The following AKR7A2 variants were observed in gnomAD, a reference collection of about 807,000 sequenced individuals.
AKR7A2 encodes aflatoxin B1 aldehyde reductase member 2.
Under a neutral mutation model 37.3 loss-of-function variants are expected in AKR7A2, and 29 were observed. The observed-to-expected ratio is 0.78, with a 90% CI of 0.58 to 1.06. AKR7A2 has a LOEUF of 1.06. Ranked by LOEUF, AKR7A2 falls within the 50% of genes least tolerant of loss-of-function variation. The pLI is 0.00. For missense variants in AKR7A2, 529 were observed against 497.9 expected (o/e 1.06, Z -0.59); for synonymous variants, 228 against 217.8 (o/e 1.05, Z -0.41).
chr1:19,311,850 C>T lies in AKR7A2; in HGVS notation c.275G>A (p.Gly92Glu), dbSNP rs774186617. The change falls in exon 1 of 7, where the codon GGG (glycine) becomes GAG (glutamate). Residue 92 changes from glycine to glutamate, a missense_variant. By Grantham distance (98) the Gly-to-Glu change is moderately conservative. Coordinates refer to ENST00000235835, the MANE Select transcript of AKR7A2 (RefSeq NM_003689.4). ...ACCTCTGCAGTCGCCACCGCCCAGC[C>T]CGAGCCCCAGGCCGCCCAGGATGGT... ...SETILGGLGLGLGGGDCRVKI... is the reference protein window; with the variant it reads ...SETILGGLGLELGGGDCRVKI... 1.9e-6 allele frequency: 3 copies of T among 1,610,560 alleles called. No homozygotes were observed. The African/African-American group carries it at 4.0e-5, about 21-fold the overall frequency.
In AKR7A2 at chr1:19,304,072, G is replaced by A. The variant is rs897733171; in HGVS notation, c.*153C>T. ...CCCCCCACCTTTCACAGTGTAAAGT[G>A]AATAGGGAGCAAGGCAGGAAGCTAG... On this transcript the variant is annotated 3_prime_UTR_variant, in exon 7 of 7. Coordinates refer to ENST00000235835, the MANE Select transcript of AKR7A2 (RefSeq NM_003689.4). 13 of 1,285,942 alleles carry A rather than the reference G, an allele frequency of 1.0e-5. No individual in the cohort carries two copies. Among genetic ancestry groups the A allele is most frequent in the Middle Eastern group, 2.1e-4 (1 of 4,688 alleles). 79.7% of individuals were successfully genotyped at this position (1,285,942 alleles called of 1,614,324 possible).
At position 19,308,356 on chromosome 1, in the gene AKR7A2, C is replaced by T. The variant is rs1467294725; in HGVS notation, c.487-94G>A. The T allele has an allele frequency of 2.5e-6, 4 of 1,595,598 alleles. No individual in the cohort carries two copies. The African/African-American group carries it at 4.0e-5, about 16-fold the overall frequency. ...CCCAGGGAATGGGGCTATTCCCTGCCCCACCCTGGGACTGCCCTGGTGCCT... is the reference window on the plus strand; with the variant it reads ...CCCAGGGAATGGGGCTATTCCCTGCTCCACCCTGGGACTGCCCTGGTGCCT... On this transcript the variant is annotated intron_variant, in intron 2 of 6. Transcript: ENST00000235835.
intron 1 of AKR7A2, among the ~76,000 whole-genome samples, chr1:19,311,141 C>A (rs144088760): frequency 6.6e-6 from 1 of 152,366 alleles, no homozygotes; most frequent in East Asian, 1.9e-4. Context: ...GTGCCTCTCC[C>A]CGGCCTGCAG....
downstream of AKR7A2, among the ~76,000 whole-genome samples, chr1:19,303,446 G>A (rs1440247092): frequency 6.6e-6 from 1 of 152,126 alleles, no homozygotes; most frequent in Admixed American, 6.6e-5. Flanking sequence ...CTCAGCCTTG[G>A]TGCCTCCTGT....
Position 19,310,450 on chromosome 1 carries a change from C to T in AKR7A2, c.298+1377G>A, listed in dbSNP as rs186771572. On this transcript the variant is annotated intron_variant, in intron 1 of 6. Coordinates refer to ENST00000235835, the MANE Select transcript of AKR7A2 (RefSeq NM_003689.4). ...TGGTGGCTTACACCTATAATCCCAG[C>T]ACTTTGGGAGGCTGAGGTGGGCAGA... 1.8e-3 allele frequency among the ~76,000 whole-genome samples: 271 copies of T among 152,210 alleles called. 1 individual carries two copies. Among genetic ancestry groups the T allele is most frequent in the South Asian group, 0.015 (72 of 4,828 alleles).
rs1254474136 is a variant in AKR7A2, at chr1:19,308,478, C to G, written c.463G>C (p.Ala155Pro). Residue 155 changes from alanine (A) to proline (P), a missense_variant, in exon 2 of 7, where the codon GCC (alanine) becomes CCC (proline). Physicochemically the swap from Ala to Pro is conservative, Grantham distance 27. Transcript: ENST00000235835. ...ACCTCCTGGTGCAGCCGCTGGCAGG[C>G]ATGCAGCGTCTCTTCCACCGGGGTG... ...HGTPVEETLH[A>P]CQRLHQEGKF... is the part of the protein sequence containing the mutation. 1 of 1,613,968 alleles carries G rather than the reference C, an allele frequency of 6.2e-7. No homozygotes were observed. Among genetic ancestry groups the G allele is most frequent in the Non-Finnish European group, 8.5e-7 (1 of 1,180,046 alleles).
At chr1:19,305,749 G>A (rs1477973080) in intron 6 of AKR7A2, among the ~76,000 whole-genome samples, 1 of 152,206 alleles carries the variant, frequency 6.6e-6, no homozygotes, top group Non-Finnish European at 1.5e-5. Flanking sequence ...CACTTTAATA[G>A]CTGGGTGAAC....
intron 5 of AKR7A2, among the ~76,000 whole-genome samples, chr1:19,306,733 A>G (rs930109240): frequency 1.3e-5 from 2 of 151,770 alleles, no homozygotes; most frequent in South Asian, 2.1e-4. Flanking sequence ...TGCCTGGCCC[A>G]TCCTGGGCTC....
chr1:19,308,679 G>C (rs1434827681), intron 1 of AKR7A2, 37 bp from the exon 2 acceptor site: 8 of 1,596,768 alleles, frequency 5.0e-6, no homozygotes, highest in African/African-American at 1.3e-5. Context: ...TGACCTATTA[G>C]AGCCATTTGC....
downstream of AKR7A2, among the ~76,000 whole-genome samples, chr1:19,303,411 A>G (rs2093755645): frequency 6.6e-6 from 1 of 152,236 alleles, no homozygotes; most frequent in African/African-American, 2.4e-5. Context: ...CAGGTTCAGC[A>G]ACCACTGAAC....
Position 19,311,807 on chromosome 1 carries a change from G to A in AKR7A2, c.298+20C>T. 6.2e-7 allele frequency: 1 copy of A among 1,610,112 alleles called. No individual in the cohort carries two copies. Among genetic ancestry groups the A allele is most frequent in the South Asian group, 1.1e-5 (1 of 90,972 alleles). The stretch of plus-strand genomic sequence containing the variant: ...CTCAGCTCTACACGATGCATGGGGA[G>A]GATCTGCAGCTACTGTTACCTCTGC... On this transcript the variant is annotated intron_variant, in intron 1 of 6. Coordinates refer to ENST00000235835, the MANE Select transcript of AKR7A2 (RefSeq NM_003689.4).
chr1:19,310,423 C>T (rs1470989773), intron 1 of AKR7A2, among the ~76,000 whole-genome samples: 2 of 151,472 alleles, frequency 1.3e-5, no homozygotes, highest in African/African-American at 2.4e-5. Flanking sequence ...CGTGGCCGGG[C>T]GTGGTGGCTT....
rs2093761593 is a variant in AKR7A2, at chr1:19,306,291, C to T, written c.789-144G>A. 5.0e-6 allele frequency: 6 copies of T among 1,196,396 alleles called. No homozygotes were observed. The Admixed American group carries it at 8.5e-5, about 17-fold the overall frequency. 74.1% of individuals were successfully genotyped at this position (1,196,396 alleles called of 1,614,324 possible). On this transcript the variant is annotated intron_variant, in intron 5 of 6. Transcript: ENST00000235835. ...GTGTCCTCTCTAGTCATAGGTCTCCCACTTTGCTGGGCATCAGAACCACCC... is the reference window on the plus strand; with the variant it reads ...GTGTCCTCTCTAGTCATAGGTCTCCTACTTTGCTGGGCATCAGAACCACCC...
At chr1:19,303,006 T>C (rs1444188240), downstream of AKR7A2, among the ~76,000 whole-genome samples, 1 of 152,200 alleles carries the variant, frequency 6.6e-6, no homozygotes, top group Non-Finnish European at 1.5e-5. Flanking sequence ...ATTTTATCTT[T>C]TCAAGCAACT....
intron 1 of AKR7A2, among the ~76,000 whole-genome samples, chr1:19,310,457 G>A (rs1240115612): frequency 6.6e-6 from 1 of 152,116 alleles, no homozygotes; most frequent in Non-Finnish European, 1.5e-5. Context: ...CAGCACTTTG[G>A]GAGGCTGAGG....
At chr1:19,303,354 G>GCTGCC (rs2093755558), downstream of AKR7A2, among the ~76,000 whole-genome samples, 1 of 152,184 alleles carries the variant, frequency 6.6e-6, no homozygotes, top group Non-Finnish European at 1.5e-5. Flanking sequence ...AGTGCTGCCT[G>GCTGCC]CTGCCCTGCC....
rs2151988274 is a variant in AKR7A2, at chr1:19,306,108, CACCAACGCAA to C, written c.818_827del (p.Ile273ArgfsTer16). The C allele has an allele frequency of 4.3e-6, 7 of 1,614,210 alleles. 1 individual carries two copies. Among genetic ancestry groups the C allele is most frequent in the Middle Eastern group, 1.7e-4 (1 of 6,060 alleles). ...CATATGCGGCCTGCAGGGCCTTCTC[CACCAACGCAA>C]TGGCCTCGAAGTGGTGCTCCTTCCA... On this transcript the variant is annotated frameshift_variant, in exon 6 of 7. Transcript: ENST00000235835. LOFTEE classifies it high-confidence loss of function.
At position 19,312,059 on chromosome 1, in the gene AKR7A2, C is replaced by A; in HGVS notation, c.66G>T (p.Pro22=). The change falls in exon 1 of 7, where the codon CCG becomes CCT. Residue 22 remains proline, a synonymous_variant. Transcript: ENST00000235835. ...ACATGGCGAGCGCGCGGGCCTCGGG[C>A]GGCGGAGAGCGAAGCGCGCAGTGGA... The part of the protein sequence containing the change: ...AAVHCALRSP[P]PEARALAMSR... 5.1e-6 allele frequency: 7 copies of A among 1,363,864 alleles called. No homozygotes were observed. Among genetic ancestry groups the A allele is most frequent in the Admixed American group, 7.5e-5 (2 of 26,642 alleles). The allele number at this position is 1,363,864 out of a possible 1,614,324, so 84.5% of individuals were successfully genotyped here.
chr1:19,307,491 C>A, intron 3 of AKR7A2, 81 bp from the exon 4 acceptor site: 1 of 1,424,916 alleles, frequency 7.0e-7, no homozygotes, highest in South Asian at 1.2e-5. Flanking sequence ...ACCTCTAAAG[C>A]AACACCGGCC....
Sources: allele counts gnomAD v4.1 joint callset (sites outside exome capture counted in the v4.1 genomes callset), GRCh38; gene constraint gnomAD v4.1.1; transcripts MANE v1.5; gene names NCBI Gene and HGNC (gene_info 2026-07-23, HGNC 2026-07-21).